RABEPK: variants seen among roughly 807,000 people sequenced by gnomAD.
RABEPK encodes the protein Rab9 effector protein with kelch motifs, also known as 40 kDa Rab9 effector protein.
Under a neutral mutation model 34.1 loss-of-function variants are expected in RABEPK, and 27 were observed. The observed-to-expected ratio is 0.79, with a 90% CI of 0.58 to 1.09. The LOEUF (loss-of-function observed/expected upper bound fraction) is 1.09. Ranked by LOEUF, RABEPK falls within the 50% of genes least tolerant of loss-of-function variation. The pLI is 0.00. For missense variants in RABEPK, 449 were observed against 462.6 expected (o/e 0.97, Z 0.27); for synonymous variants, 172 against 169.2 (o/e 1.02, Z -0.13).
chr9:125,202,634 AG>A (rs2131362870), intron 1 of RABEPK, among the ~76,000 whole-genome samples: 2 of 152,280 alleles, frequency 1.3e-5, no homozygotes, highest in South Asian at 4.1e-4. Context: ...GTTCGAGACC[AG>A]CCTGACCAAC....
chr9:125,206,183 G>A (rs1830212894), intron 2 of RABEPK, among the ~76,000 whole-genome samples: 1 of 152,116 alleles, frequency 6.6e-6, no homozygotes, highest in African/African-American at 2.4e-5. Context: ...AGCTTCAAGT[G>A]TGTTTTCTCA....
intron 4 of RABEPK, among the ~76,000 whole-genome samples, chr9:125,215,605 C>T (rs1830884412): frequency 1.3e-5 from 2 of 152,066 alleles, no homozygotes; most frequent in Admixed American, 1.3e-4. Flanking sequence ...AGCCACTGCA[C>T]CTGGCCAACA....
chr9:125,201,429 T>A (rs1335505462), intron 1 of RABEPK, among the ~76,000 whole-genome samples: 1 of 152,202 alleles, frequency 6.6e-6, no homozygotes, highest in Non-Finnish European at 1.5e-5. Context: ...CTTTCTATGC[T>A]ATGTTGAGGC....
intron 4 of RABEPK, among the ~76,000 whole-genome samples, chr9:125,217,450 G>C (rs1328194163): frequency 6.6e-6 from 1 of 151,828 alleles, no homozygotes; most frequent in Non-Finnish European, 1.5e-5. Flanking sequence ...GCCAAGGCTG[G>C]AGTGCAGTGG....
chr9:125,222,179 A>G (rs1299508238), intron 5 of RABEPK: 1 of 152,068 alleles, frequency 6.6e-6, no homozygotes, highest in African/African-American at 2.4e-5. Context: ...AAAAAAAAAA[A>G]AAAGACACAT....
intron 6 of RABEPK, among the ~76,000 whole-genome samples, chr9:125,231,332 T>C (rs571786860): frequency 7.9e-5 from 12 of 152,188 alleles, no homozygotes; most frequent in Non-Finnish European, 1.5e-4. Flanking sequence ...GATGCAAGTT[T>C]CCCTGCAAAA....
chr9:125,204,610 C>A (rs1830103262), intron 2 of RABEPK, among the ~76,000 whole-genome samples: 1 of 152,136 alleles, frequency 6.6e-6, no homozygotes, highest in Non-Finnish European at 1.5e-5. Context: ...AATTAGACTT[C>A]TTAAACTGGC....
chr9:125,212,226 T>C (rs1346604703), intron 3 of RABEPK, among the ~76,000 whole-genome samples: 3 of 151,990 alleles, frequency 2.0e-5, no homozygotes, highest in African/African-American at 7.2e-5. Flanking sequence ...TAGGGTTTTT[T>C]GTTTGTTTGT....
At chr9:125,200,980 TG>T (rs1306245238) in intron 1 of RABEPK, 74 bp downstream of exon 1, 42 of 391,320 alleles carry the variant, frequency 1.1e-4, no homozygotes, top group African/African-American at 8.5e-4. Context: ...TTCTACTCCA[TG>T]CCAGGTCCAT....
intron 5 of RABEPK, among the ~76,000 whole-genome samples, chr9:125,223,099 G>A (rs1311621413): frequency 6.6e-6 from 1 of 152,162 alleles, no homozygotes; most frequent in Non-Finnish European, 1.5e-5. Flanking sequence ...GGCCAAGATG[G>A]TGAAACCCTG....
At chr9:125,228,421 C>T (rs933110630) in intron 6 of RABEPK, among the ~76,000 whole-genome samples, 2 of 152,136 alleles carry the variant, frequency 1.3e-5, no homozygotes, top group Non-Finnish European at 2.9e-5. Flanking sequence ...CCTTGGGAGG[C>T]TGAGGCAGGC....
At chr9:125,227,385 A>C (rs1831835770) in intron 5 of RABEPK, among the ~76,000 whole-genome samples, 1 of 151,774 alleles carries the variant, frequency 6.6e-6, no homozygotes, top group Non-Finnish European at 1.5e-5. Flanking sequence ...TGGGCTCTCC[A>C]GCCCTAGAAG....
chr9:125,230,391 C>T (rs1832082766), intron 6 of RABEPK, among the ~76,000 whole-genome samples: 1 of 152,108 alleles, frequency 6.6e-6, no homozygotes, highest in African/African-American at 2.4e-5. Flanking sequence ...ACTTCCCAAG[C>T]CCTGAATTAT....
intron 4 of RABEPK, among the ~76,000 whole-genome samples, chr9:125,216,646 A>G (rs1181488427): frequency 1.3e-5 from 2 of 152,036 alleles, no homozygotes; most frequent in East Asian, 3.9e-4. Flanking sequence ...TTGAATACTC[A>G]GGGTACAGAA....
intron 6 of RABEPK, among the ~76,000 whole-genome samples, chr9:125,229,967 G>A (rs1271514234): frequency 6.6e-6 from 1 of 151,836 alleles, no homozygotes; most frequent in Non-Finnish European, 1.5e-5. Context: ...TGGGTGACAG[G>A]TACTTTCTTT....
chr9:125,231,328 A>C (rs1255008339), intron 6 of RABEPK, among the ~76,000 whole-genome samples: 1 of 152,056 alleles, frequency 6.6e-6, no homozygotes, highest in Non-Finnish European at 1.5e-5. Context: ...AAAAGATGCA[A>C]GTTTCCCTGC....
At chr9:125,222,458 A>G (rs1831407756) in intron 5 of RABEPK, 1 of 151,988 alleles carries the variant, frequency 6.6e-6, no homozygotes, top group Admixed American at 6.6e-5. Flanking sequence ...CACGCCTGTA[A>G]TGCCAGGACT....
intron 5 of RABEPK, 93 bp from the exon 6 acceptor site, chr9:125,227,817 G>T (rs773880156): frequency 7.8e-7 from 1 of 1,274,788 alleles, no homozygotes; most frequent in Non-Finnish European, 1.1e-6. Context: ...GGACAGCTCC[G>T]CTTGCTAGGA....
At chr9:125,232,243 C>CAGAG (rs1190542056) in intron 6 of RABEPK, among the ~76,000 whole-genome samples, 3 of 108,608 alleles carry the variant, frequency 2.8e-5, no homozygotes, top group African/African-American at 9.3e-5. Flanking sequence ...CACACACACA[C>CAGAG]ACAGAGACAG....
Sources: allele counts gnomAD v4.1 joint callset (sites outside exome capture counted in the v4.1 genomes callset), GRCh38; gene constraint gnomAD v4.1.1; transcripts MANE v1.5; gene names NCBI Gene and HGNC (gene_info 2026-07-23, HGNC 2026-07-21).